ZNF875: variants seen among roughly 807,000 people sequenced by gnomAD.
The protein encoded by ZNF875 is HKR1, GLI-Kruppel zinc finger family member.
In ZNF875, 14 loss-of-function variants were observed where a neutral mutation model predicts 11.2. The observed-to-expected ratio is 1.26, with a 90% CI of 0.83 to 1.96. The LOEUF (loss-of-function observed/expected upper bound fraction) is 1.96, where lower values mean the gene tolerates loss of function less well. Ranked by LOEUF, ZNF875 falls within the 30% of genes most tolerant of loss-of-function variation. The pLI is 0.00. For synonymous variants in ZNF875, 301 were observed against 281.1 expected (o/e 1.07, Z -0.71); for missense variants, 752 against 760.4 (o/e 0.99, Z 0.13).
chr19:37,321,698 G>T (rs1189866493), intron 1 of ZNF875, among the ~76,000 whole-genome samples: 2 of 152,162 alleles, frequency 1.3e-5, no homozygotes, highest in African/African-American at 4.8e-5. Flanking sequence ...CAGCCTCAGG[G>T]TAGTCAGAAT....
At chr19:37,343,370 C>CAA (rs34474063) in intron 2 of ZNF875, among the ~76,000 whole-genome samples, 9,754 of 120,808 alleles carry the variant, frequency 0.081, 481 homozygotes, top group African/African-American at 0.14. Flanking sequence ...AAAATAAAAC[C>CAA]AAAAAAAAAA....
intron 1 of ZNF875, among the ~76,000 whole-genome samples, chr19:37,319,190 G>C (rs2030769168): frequency 6.6e-6 from 1 of 151,296 alleles, no homozygotes; most frequent in Non-Finnish European, 1.5e-5. Context: ...GGGATTATAG[G>C]CATGCACCAT....
intron 4 of ZNF875, among the ~76,000 whole-genome samples, chr19:37,350,792 C>CTTTTT (rs2037737577): frequency 8.2e-6 from 1 of 122,576 alleles, no homozygotes; most frequent in Non-Finnish European, 1.7e-5. Context: ...CACTATAATT[C>CTTTTT]TTTTTGCTTT....
At chr19:37,334,299 CGGA>C (rs1044026015), upstream of ZNF875, among the ~76,000 whole-genome samples, 1 of 152,222 alleles carries the variant, frequency 6.6e-6, no homozygotes, top group African/African-American at 2.4e-5. Context: ...CGCATCAGGG[CGGA>C]GACTTGCGTA....
chr19:37,353,992 G>A (rs938214078), intron 4 of ZNF875, among the ~76,000 whole-genome samples: 7 of 151,898 alleles, frequency 4.6e-5, no homozygotes, highest in Middle Eastern at 3.4e-3. Flanking sequence ...TCTCATTCTA[G>A]GACTCCCAAT....
intron 4 of ZNF875, among the ~76,000 whole-genome samples, chr19:37,329,354 CA>C (rs2145802007): frequency 6.6e-6 from 1 of 152,260 alleles, no homozygotes; most frequent in South Asian, 2.1e-4. Flanking sequence ...TGTGATTTGC[CA>C]TCTACTGCTG....
chr19:37,342,331 G>A (rs2035880447), intron 2 of ZNF875, among the ~76,000 whole-genome samples: 1 of 151,688 alleles, frequency 6.6e-6, no homozygotes, highest in Non-Finnish European at 1.5e-5. Context: ...TCTGAATTAC[G>A]CTTGCAAGCT....
chr19:37,363,103 A>G lies in ZNF875; in HGVS notation c.1251A>G (p.Thr417=), dbSNP rs1338890166. The part of the protein sequence containing the change: ...SHLIRHLRTH[T]GEKPYVCTEC... ...TCATCAGACACTTAAGGACACACAC[A>G]GGAGAGAAGCCTTATGTATGCACAG... is the stretch of plus-strand genomic sequence containing the variant. The change falls in exon 5 of 5, where the codon ACA becomes ACG. Residue 417 remains threonine, a synonymous_variant. Transcript: ENST00000392153. The G allele has an allele frequency of 1.2e-6, 2 of 1,613,690 alleles. No individual in the cohort carries two copies. Among genetic ancestry groups the G allele is most frequent in the African/African-American group, 1.3e-5 (1 of 74,912 alleles).
chr19:37,361,926 A>C (rs7246923), intron 4 of ZNF875, 183 bp from the exon 5 acceptor site: 2,799 of 167,312 alleles, frequency 0.017, no homozygotes, highest in South Asian at 0.042. Flanking sequence ...AAAAAAAAAC[A>C]AAAAAACAAA....
intron 4 of ZNF875, chr19:37,358,724 G>T (rs1328770159): frequency 6.6e-6 from 1 of 151,678 alleles, no homozygotes; most frequent in Non-Finnish European, 1.5e-5. Context: ...TCACCATCTT[G>T]GCCAGGCTTG....
chr19:37,334,782 C>T lies in ZNF875; in HGVS notation c.-57C>T, dbSNP rs1195189432. The T allele has an allele frequency of 6.6e-6, 3 of 456,562 alleles. No homozygotes were observed. Among genetic ancestry groups the T allele is most frequent in the East Asian group, 6.9e-5 (1 of 14,438 alleles). The allele number at this position is 456,562 out of a possible 1,614,324, so 28.3% of individuals were successfully genotyped here. The stretch of plus-strand genomic sequence containing the variant: ...GGATCCGCAGCGTGCACCCGCGTTC[C>T]GTGAGTGCCCTATAGGCAGTCAGCA... On this transcript the variant is annotated splice_region_variant and 5_prime_UTR_variant, in exon 1 of 5. Coordinates refer to ENST00000392153, the MANE Select transcript of ZNF875 (RefSeq NM_001353803.2).
At chr19:37,334,548 T>G (rs2033878417), upstream of ZNF875, 1 of 370,240 alleles carries the variant, frequency 2.7e-6, no homozygotes, top group South Asian at 2.0e-5. Context: ...CAAAGCCGAC[T>G]TCTCCGCCTC....
At chr19:37,338,990 A>C (rs572488563) in intron 2 of ZNF875, among the ~76,000 whole-genome samples, 1 of 152,340 alleles carries the variant, frequency 6.6e-6, no homozygotes, top group African/African-American at 2.4e-5. Flanking sequence ...ATGAACTGGC[A>C]GGCACATTAT....
At chr19:37,343,538 C>G (rs1228487904) in intron 2 of ZNF875, among the ~76,000 whole-genome samples, 1 of 152,074 alleles carries the variant, frequency 6.6e-6, no homozygotes, top group Non-Finnish European at 1.5e-5. Context: ...CTCAACCTGT[C>G]TGGTGGTTGA....
chr19:37,361,852 G>C (rs2039975116), intron 4 of ZNF875: 5 of 388,716 alleles, frequency 1.3e-5, no homozygotes, highest in African/African-American at 2.1e-5. Context: ...TGGAGGCGGA[G>C]GTTGCAGTGA....
At chr19:37,313,400 AC>A (rs2030045924), upstream of ZNF875, 4 of 152,116 alleles carry the variant, frequency 2.6e-5, no homozygotes, top group Admixed American at 2.6e-4. Context: ...AATCTCCACC[AC>A]TGACACACAG....
At chr19:37,319,444 T>A (rs1320709634) in intron 1 of ZNF875, among the ~76,000 whole-genome samples, 2 of 151,010 alleles carry the variant, frequency 1.3e-5, no homozygotes, top group African/African-American at 4.9e-5. Flanking sequence ...TTGTAGTATT[T>A]ATTTCATAGT....
chr19:37,351,387 G>A (rs1321476720), intron 4 of ZNF875, among the ~76,000 whole-genome samples: 1 of 151,904 alleles, frequency 6.6e-6, no homozygotes, highest in Non-Finnish European at 1.5e-5. Flanking sequence ...TCAACTTTTG[G>A]TTTCATTGAT....
chr19:37,356,278 C>G (rs551178798), intron 4 of ZNF875, among the ~76,000 whole-genome samples: 1 of 152,210 alleles, frequency 6.6e-6, no homozygotes, highest in Admixed American at 6.6e-5. Flanking sequence ...ATTTATTTTC[C>G]CAGTCTTGGG....
Sources: gnomAD v4.1 joint callset for allele counts (sites outside exome capture counted in the v4.1 genomes callset) on GRCh38, gnomAD v4.1.1 for gene constraint, MANE v1.5 for transcripts, NCBI Gene and HGNC (gene_info 2026-07-23, HGNC 2026-07-21) for gene names.